The following DIS3L2 variants were observed in gnomAD, a reference collection of about 807,000 sequenced individuals.
The protein encoded by DIS3L2 is DIS3 like 3'-5' exoribonuclease 2.
A neutral mutation model predicts 97.5 loss-of-function variants in DIS3L2; 34 were observed. The observed-to-expected ratio is 0.35, with a 90% CI of 0.27 to 0.46. The LOEUF (loss-of-function observed/expected upper bound fraction) is 0.46, where lower values mean the gene tolerates loss of function less well. Among genes scored for constraint, DIS3L2 ranks in the 20% least tolerant of loss-of-function variants. The pLI is 1.00. For missense variants in DIS3L2, 1,038 were observed against 1,146.0 expected (o/e 0.91, Z 1.36); for synonymous variants, 435 against 445.2 (o/e 0.98, Z 0.29).
At chr2:232,278,880 C>G (rs948036592) in intron 13 of DIS3L2, among the ~76,000 whole-genome samples, 1 of 152,140 alleles carries the variant, frequency 6.6e-6, no homozygotes, top group Non-Finnish European at 1.5e-5. Flanking sequence ...TAAAGAACTT[C>G]CAGTTTTCCA....
At chr2:232,337,247 C>T (rs556804883), downstream of DIS3L2, 3 of 971,982 alleles carry the variant, frequency 3.1e-6, no homozygotes, top group Non-Finnish European at 1.2e-6. Flanking sequence ...ACGAATGTGA[C>T]TGTGTCCAAC....
At chr2:232,007,952 A>G (rs377653898) in intron 1 of DIS3L2, among the ~76,000 whole-genome samples, 3 of 152,050 alleles carry the variant, frequency 2.0e-5, no homozygotes, top group African/African-American at 7.2e-5. Flanking sequence ...TTGAGCCTGG[A>G]AGATTTTAAA....
At chr2:232,022,743 C>G (rs1226832844) in intron 3 of DIS3L2, among the ~76,000 whole-genome samples, 3 of 152,204 alleles carry the variant, frequency 2.0e-5, no homozygotes, top group Admixed American at 6.5e-5. Flanking sequence ...CCCTTGTACC[C>G]CGTCATTTGA....
At chr2:231,962,299 A>T (rs1047036628) in intron 1 of DIS3L2, among the ~76,000 whole-genome samples, 1 of 151,494 alleles carries the variant, frequency 6.6e-6, no homozygotes, top group African/African-American at 2.4e-5. Context: ...AAACTTTTAG[A>T]TATGGGGGAT....
chr2:232,001,563 T>TG (rs1693907112), intron 1 of DIS3L2, among the ~76,000 whole-genome samples: 1 of 129,520 alleles, frequency 7.7e-6, no homozygotes, highest in African/African-American at 2.8e-5. Flanking sequence ...TTGTCTTTTT[T>TG]TTTTTTTTTT....
intron 1 of DIS3L2, among the ~76,000 whole-genome samples, chr2:231,975,704 C>CAAAAAAA (rs34710079): frequency 1.8e-5 from 1 of 55,402 alleles, no homozygotes; most frequent in African/African-American, 6.7e-5. Context: ...GACTCCGCCT[C>CAAAAAAA]AAAAAAAAAA....
intron 1 of DIS3L2, among the ~76,000 whole-genome samples, chr2:232,012,644 C>T (rs1274647121): frequency 6.6e-6 from 1 of 152,042 alleles, no homozygotes; most frequent in Non-Finnish European, 1.5e-5. Context: ...TTCTTAATGC[C>T]TGCCTCTGTT....
At chr2:232,247,460 G>A (rs946986820) in intron 11 of DIS3L2, among the ~76,000 whole-genome samples, 2 of 152,042 alleles carry the variant, frequency 1.3e-5, no homozygotes, top group African/African-American at 4.8e-5. Context: ...TACTCATGCA[G>A]AGAGAGACTT....
At position 232,336,562 on chromosome 2, in the gene DIS3L2, G is replaced by GC. The variant is rs1695957061; in HGVS notation, c.2590_2591insC (p.Gly864AlafsTer6). 6.2e-7 allele frequency: 1 copy of GC among 1,609,522 alleles called. No homozygotes were observed. Among genetic ancestry groups the GC allele is most frequent in the Non-Finnish European group, 8.5e-7 (1 of 1,179,962 alleles). The stretch of plus-strand genomic sequence containing the variant: ...CATCCTGAAGCGGCCAGGCACCCAG[G>GC]GCCACCTGGGCCCTGAGAAGGAGGA... On this transcript the variant is annotated frameshift_variant, in exon 21 of 21. Transcript: ENST00000325385. LOFTEE classifies it low-confidence loss of function (END_TRUNC).
At chr2:232,075,213 T>C (rs1696148584) in intron 5 of DIS3L2, among the ~76,000 whole-genome samples, 1 of 152,138 alleles carries the variant, frequency 6.6e-6, no homozygotes, top group Admixed American at 6.5e-5. Flanking sequence ...AGCTGTGAGA[T>C]TGTGACATGT....
At chr2:231,966,641 ATTTTTTTTTTTTTTTTTT>A (rs36151054) in intron 1 of DIS3L2, among the ~76,000 whole-genome samples, 116 of 50,406 alleles carry the variant, frequency 2.3e-3, no homozygotes, top group African/African-American at 7.2e-3. Flanking sequence ...GTTAAAAAAC[ATTTTTTTTTTTTTTTTTT>A]TTTTTTTTTT....
intron 9 of DIS3L2, among the ~76,000 whole-genome samples, chr2:232,184,886 C>G (rs1236564395): frequency 6.6e-6 from 1 of 152,210 alleles, no homozygotes; most frequent in Non-Finnish European, 1.5e-5. Context: ...TCATAGTTCT[C>G]TGTCTTACCT....
chr2:232,183,257 G>C (rs929918070), intron 9 of DIS3L2, among the ~76,000 whole-genome samples: 1 of 152,146 alleles, frequency 6.6e-6, no homozygotes, highest in South Asian at 2.1e-4. Flanking sequence ...ATAGTATTTT[G>C]TTATAGCAAC....
intron 9 of DIS3L2, among the ~76,000 whole-genome samples, chr2:232,197,967 T>TAAA (rs535772798): frequency 0.019 from 2,652 of 137,786 alleles, 68 homozygotes; most frequent in African/African-American, 0.067. Flanking sequence ...TCCATCTCAT[T>TAAA]AAAAAAAAAA....
rs138123145 is a variant in DIS3L2 at position 232,033,215 on chromosome 2, G to A, written c.366+3135G>A. Among the ~76,000 whole-genome samples, 266 of 152,096 alleles carry A rather than the reference G, an allele frequency of 1.7e-3. 7 individuals are homozygous for A. In the East Asian group the frequency reaches 0.044, roughly 25 times the overall value. On this transcript the variant is annotated intron_variant, in intron 5 of 20. Transcript: ENST00000325385. Reference sequence around the variant, plus strand: ...TTCAGATCCCTTGTAAGTTGTATTCGTAGGTACTTTATTCTCTTTGTAGCA... The same window carrying A: ...TTCAGATCCCTTGTAAGTTGTATTCATAGGTACTTTATTCTCTTTGTAGCA...
chr2:232,329,785 T>TGCCCGGGGGGGGGGCCCCCCC, intron 14 of DIS3L2, 28 bp from the exon 15 acceptor site: 3 of 967,136 alleles, frequency 3.1e-6, no homozygotes, highest in East Asian at 3.1e-5. Context: ...ACCCCAGCGG[T>TGCCCGGGGGGGGGGCCCCCCC]CCCTCCCATC....
intron 1 of DIS3L2, among the ~76,000 whole-genome samples, chr2:232,006,677 G>A (rs1258847403): frequency 6.6e-6 from 1 of 151,988 alleles, no homozygotes; most frequent in East Asian, 1.9e-4. Context: ...GTGAGATGAG[G>A]TATAAGAGTA....
intron 1 of DIS3L2, among the ~76,000 whole-genome samples, chr2:231,971,628 T>C (rs992584299): frequency 2.6e-5 from 4 of 152,126 alleles, no homozygotes; most frequent in Non-Finnish European, 1.5e-5. Flanking sequence ...TGTGTATTTT[T>C]AGTAGAGACG....
At chr2:232,069,319 T>C (rs1257767675) in intron 5 of DIS3L2, among the ~76,000 whole-genome samples, 4 of 152,236 alleles carry the variant, frequency 2.6e-5, no homozygotes, top group Non-Finnish European at 4.4e-5. Context: ...TCAAAAATTG[T>C]TGTGATTCTA....
Sources: gnomAD v4.1 joint callset for allele counts (sites outside exome capture counted in the v4.1 genomes callset) on GRCh38, gnomAD v4.1.1 for gene constraint, MANE v1.5 for transcripts, NCBI Gene and HGNC (gene_info 2026-07-23, HGNC 2026-07-21) for gene names.